Variants in SCML2 observed in about 807,000 individuals in gnomAD.
SCML2 encodes the protein Scm polycomb group protein like 2, also known as sex comb on midleg-like protein 2.
Under a neutral mutation model 48.4 loss-of-function variants are expected in SCML2, and 6 were observed. The observed-to-expected ratio is 0.12, with a 90% CI of 0.07 to 0.24. The LOEUF is 0.24. Ranked by LOEUF, SCML2 falls within the 10% of genes least tolerant of loss-of-function variation. The probability of loss-of-function intolerance (pLI) is 1.00; values close to 1 mark genes in which losing one functional copy is unlikely to be tolerated. For missense variants in SCML2, 377 were observed against 528.2 expected (o/e 0.71, Z 2.81); for synonymous variants, 181 against 189.5 (o/e 0.95, Z 0.37).
chrX:18,304,871 A>T (rs1928708030), intron 7 of SCML2, 101 bp downstream of exon 7: 1 of 969,111 alleles, frequency 1.0e-6, no homozygotes, highest in Admixed American at 2.8e-5. Context: ...CAGTTGGGGC[A>T]TGTACCACCT....
At chrX:18,331,241 C>T (rs1929646234) in intron 2 of SCML2, among the ~76,000 whole-genome samples, 1 of 73,423 alleles carries the variant, frequency 1.4e-5, no homozygotes, top group African/African-American at 5.8e-5. Flanking sequence ...GCCTGGGTGA[C>T]AGAGCGAGAC....
chrX:18,257,242 TCAA>T (rs1032549911), intron 10 of SCML2, among the ~76,000 whole-genome samples: 2 of 111,876 alleles, frequency 1.8e-5, no homozygotes, highest in Non-Finnish European at 3.8e-5. Context: ...TACTCTTAAG[TCAA>T]CAACAACAAC....
At chrX:18,312,207 A>G (rs1928972788) in intron 6 of SCML2, among the ~76,000 whole-genome samples, 1 of 112,117 alleles carries the variant, frequency 8.9e-6, no homozygotes, top group South Asian at 3.7e-4. Context: ...ATTGAAAAAG[A>G]CAGCTTGTAC....
At chrX:18,324,695 T>C (rs1489288621) in intron 4 of SCML2, among the ~76,000 whole-genome samples, 1 of 112,212 alleles carries the variant, frequency 8.9e-6, no homozygotes, top group African/African-American at 3.2e-5. Context: ...TTTATTTATA[T>C]GTCTGCCTTT....
At chrX:18,288,113 C>T (rs781604931) in intron 7 of SCML2, among the ~76,000 whole-genome samples, 1 of 110,895 alleles carries the variant, frequency 9.0e-6, no homozygotes, top group East Asian at 2.8e-4. Context: ...TTTTAAAAGC[C>T]ACTCAATTTT....
chrX:18,282,248 AAG>A (rs1927887248), intron 7 of SCML2, among the ~76,000 whole-genome samples: 1 of 111,860 alleles, frequency 8.9e-6, no homozygotes, highest in Non-Finnish European at 1.9e-5. Flanking sequence ...AAGAAAAAAA[AAG>A]AGAAAATAGA....
chrX:18,319,595 CAAAAAAAAAAAACA>C (rs985120100), intron 6 of SCML2, among the ~76,000 whole-genome samples: 7 of 34,042 alleles, frequency 2.1e-4, no homozygotes, highest in Non-Finnish European at 4.1e-4. Flanking sequence ...GACTCTGTCT[CAAAAAAAAAAAACA>C]AAAAAAAAAA....
intron 5 of SCML2, among the ~76,000 whole-genome samples, chrX:18,322,663 G>A (rs1419002887): frequency 9.0e-6 from 1 of 111,546 alleles, no homozygotes; most frequent in African/African-American, 3.3e-5. Flanking sequence ...GGAGGCCGAG[G>A]TGGGAAGATC....
At chrX:18,321,236 A>T (rs1443085565) in intron 5 of SCML2, among the ~76,000 whole-genome samples, 2 of 111,570 alleles carry the variant, frequency 1.8e-5, no homozygotes, top group African/African-American at 6.5e-5. Flanking sequence ...TAGAATTTGT[A>T]TCAGATGCTA....
chrX:18,260,347 T>TA (rs1927019210), intron 8 of SCML2, 56 bp from the exon 9 acceptor site: 3 of 912,163 alleles, frequency 3.3e-6, no homozygotes, highest in Non-Finnish European at 4.4e-6. Context: ...AATATATTCT[T>TA]AGATAAGAAA....
intron 1 of SCML2, among the ~76,000 whole-genome samples, chrX:18,347,097 C>T (rs753376837): frequency 1.8e-5 from 2 of 112,005 alleles, no homozygotes; most frequent in South Asian, 7.4e-4. Flanking sequence ...AATTCTAATA[C>T]TGTAATTACA....
chrX:18,276,750 T>C lies in SCML2; in HGVS notation c.731-10948A>G, dbSNP rs139068388. ...AAAGGTCACACCTTGTATGATCCCA[T>C]TTACACAAACTATTAATATCTAGAA... On this transcript the variant is annotated intron_variant, in intron 7 of 14. Transcript: ENST00000251900. Among the ~76,000 whole-genome samples, 989 of 111,865 alleles carry C rather than the reference T, an allele frequency of 8.8e-3. 10 individuals carry two copies. The highest frequency in any genetic ancestry group is 0.03 in the African/African-American group (936 of 30,763).
intron 6 of SCML2, among the ~76,000 whole-genome samples, chrX:18,317,849 A>AG (rs1464856575): frequency 4.6e-5 from 5 of 108,731 alleles, no homozygotes; most frequent in African/African-American, 1.3e-4. Flanking sequence ...AAAAAAAAAA[A>AG]AAAAGAAAAA....
chrX:18,306,508 A>T (rs779139144), intron 6 of SCML2, among the ~76,000 whole-genome samples: 69 of 112,022 alleles, frequency 6.2e-4, no homozygotes, highest in Non-Finnish European at 1.1e-3. Context: ...TTGTAGTATC[A>T]CTATAGAAAT....
chrX:18,281,172 A>G (rs1312423023), intron 7 of SCML2, among the ~76,000 whole-genome samples: 1 of 73,158 alleles, frequency 1.4e-5, no homozygotes, highest in South Asian at 6.8e-4. Flanking sequence ...CCACAGTGCA[A>G]TAAAAATAGA....
chrX:18,339,518 G>T (rs1394018026), intron 1 of SCML2, among the ~76,000 whole-genome samples: 2 of 111,591 alleles, frequency 1.8e-5, no homozygotes, highest in African/African-American at 6.5e-5. Context: ...CACCAGCCTG[G>T]ACAACACAGC....
At chrX:18,346,187 T>G (rs891237949) in intron 1 of SCML2, among the ~76,000 whole-genome samples, 5 of 111,115 alleles carry the variant, frequency 4.5e-5, no homozygotes, top group Non-Finnish European at 9.4e-5. Flanking sequence ...CTGTGAGATC[T>G]GAGACAATCC....
At chrX:18,256,399 C>T (rs1048030457) in intron 11 of SCML2, among the ~76,000 whole-genome samples, 1 of 111,407 alleles carries the variant, frequency 9.0e-6, no homozygotes, top group African/African-American at 3.3e-5. Flanking sequence ...TTGCAGTGAG[C>T]CGAGATTGTG....
Position 18,330,679 on chromosome X carries a change from A to C in SCML2, c.23-24T>G, listed in dbSNP as rs1391208118. 3 of 967,177 alleles carry C rather than the reference A, an allele frequency of 3.1e-6. No individual in the cohort carries two copies. In the Admixed American group the frequency reaches 7.8e-5, roughly 25 times the overall value. The allele number at this position is 967,177 out of a possible 1,213,427, so 79.7% of individuals were successfully genotyped here. On this transcript the variant is annotated intron_variant, in intron 2 of 14. Coordinates refer to ENST00000251900, the MANE Select transcript of SCML2 (RefSeq NM_006089.3). Reference sequence around the variant, plus strand: ...ATCTAATAAAAAAGAAAATAGCAATACTGGGAGTCCACAGCAACAGCTTGA... The same window carrying C: ...ATCTAATAAAAAAGAAAATAGCAATCCTGGGAGTCCACAGCAACAGCTTGA...
Sources: gnomAD v4.1 joint callset for allele counts (sites outside exome capture counted in the v4.1 genomes callset) on GRCh38, gnomAD v4.1.1 for gene constraint, MANE v1.5 for transcripts, NCBI Gene and HGNC (gene_info 2026-07-23, HGNC 2026-07-21) for gene names.